The following DACH2 variants were observed in gnomAD, a reference collection of about 807,000 sequenced individuals.
DACH2 encodes the protein dachshund homolog 2.
DACH2 carries 17 observed loss-of-function variants against 35.8 expected under a neutral mutation model. The ratio of observed to expected loss-of-function variants is 0.48; its 90% CI spans 0.33 to 0.71. The LOEUF is 0.71. DACH2 is among the 30% of genes least tolerant of loss of function. The pLI, the probability that DACH2 is intolerant of heterozygous loss-of-function variation, is 0.02. For missense variants in DACH2, 469 were observed against 472.7 expected, an observed-to-expected ratio of 0.99 and a Z score of 0.07; for synonymous variants, 195 against 177.3, an observed-to-expected ratio of 1.10 and a Z score of -0.79.
intron 1 of DACH2, among the ~76,000 whole-genome samples, chrX:86,224,790 A>G (rs191975006): frequency 6.8e-4 from 76 of 111,735 alleles, no homozygotes; most frequent in Non-Finnish European, 1.1e-3. Context: ...ATGATCATCA[A>G]GAAAGCCTAT....
At chrX:86,522,808 G>T (rs1053322667) in intron 3 of DACH2, among the ~76,000 whole-genome samples, 2 of 111,430 alleles carry the variant, frequency 1.8e-5, no homozygotes, top group African/African-American at 6.5e-5. Flanking sequence ...AAAACATTTA[G>T]GGATACACAG....
chrX:86,724,966 C>T (rs1211888391), intron 6 of DACH2, among the ~76,000 whole-genome samples: 1 of 107,846 alleles, frequency 9.3e-6, no homozygotes, highest in African/African-American at 3.4e-5. Context: ...TCTTGTCTAT[C>T]ACTGAAATAT....
At chrX:86,598,234 C>A (rs1039363129) in intron 3 of DACH2, among the ~76,000 whole-genome samples, 2 of 111,434 alleles carry the variant, frequency 1.8e-5, no homozygotes, top group African/African-American at 6.5e-5. Flanking sequence ...ATATAGTGAC[C>A]ATTATAATTA....
chrX:86,819,140 T>C (rs755431054), intron 11 of DACH2, among the ~76,000 whole-genome samples: 2 of 109,253 alleles, frequency 1.8e-5, no homozygotes, highest in East Asian at 5.7e-4. Flanking sequence ...GACGATAATA[T>C]GCATAGACCA....
At chrX:86,258,167 G>A (rs767467705) in intron 1 of DACH2, among the ~76,000 whole-genome samples, 6 of 111,790 alleles carry the variant, frequency 5.4e-5, no homozygotes, top group Non-Finnish European at 1.1e-4. Flanking sequence ...ATAAAGAATC[G>A]AGTATTGATT....
chrX:86,805,604 T>C (rs2042337248), intron 7 of DACH2, among the ~76,000 whole-genome samples: 1 of 111,777 alleles, frequency 8.9e-6, no homozygotes. Flanking sequence ...TTTTCCAAAC[T>C]TTTATGCCCT....
At chrX:86,638,243 C>T (rs1443898100) in intron 3 of DACH2, among the ~76,000 whole-genome samples, 1 of 111,662 alleles carries the variant, frequency 9.0e-6, no homozygotes, top group African/African-American at 3.3e-5. Flanking sequence ...CTGTCTCTCA[C>T]CATATGAAAA....
intron 1 of DACH2, among the ~76,000 whole-genome samples, chrX:86,191,959 C>A (rs1323896300): frequency 9.0e-6 from 1 of 111,216 alleles, no homozygotes; most frequent in South Asian, 3.8e-4. Flanking sequence ...AACAAACAAA[C>A]CTTAAAAAAT....
In DACH2 at chrX:86,220,725, A is replaced by G. The variant is rs2032690903; in HGVS notation, c.488+71617A>G. ...TCAAGATGCTGATTGTAATTTTTTGAATATATACACAGAAGTGATTATTGA... is the reference window on the plus strand; with the variant it reads ...TCAAGATGCTGATTGTAATTTTTTGGATATATACACAGAAGTGATTATTGA... On this transcript the variant is annotated intron_variant, in intron 1 of 11. Transcript: ENST00000373125. Among the ~76,000 whole-genome samples, 2 of 112,036 alleles carry G rather than the reference A, an allele frequency of 1.8e-5. 1 individual carries two copies. The highest frequency in any genetic ancestry group is 3.8e-5 in the Non-Finnish European group (2 of 53,202).
intron 1 of DACH2, among the ~76,000 whole-genome samples, chrX:86,153,713 C>G (rs1156871748): frequency 9.0e-6 from 1 of 111,506 alleles, no homozygotes; most frequent in African/African-American, 3.2e-5. Flanking sequence ...ATGCTCTGTC[C>G]TTTATGAGAA....
chrX:86,266,228 C>A (rs1299953168), intron 1 of DACH2, among the ~76,000 whole-genome samples: 2 of 111,379 alleles, frequency 1.8e-5, no homozygotes. Flanking sequence ...GGATTTCTAA[C>A]AAGTTCCCAG....
chrX:86,257,362 C>T (rs1249912670), intron 1 of DACH2, among the ~76,000 whole-genome samples: 1 of 112,307 alleles, frequency 8.9e-6, no homozygotes, highest in African/African-American at 3.2e-5. Context: ...CTCTTTCTTC[C>T]ACTTACATCC....
intron 1 of DACH2, among the ~76,000 whole-genome samples, chrX:86,221,337 T>C (rs767051010): frequency 8.9e-6 from 1 of 112,047 alleles, no homozygotes; most frequent in East Asian, 2.8e-4. Context: ...TACTGTGTAT[T>C]CTTAAAACTC....
chrX:86,617,246 CTCT>C (rs1234598942), intron 3 of DACH2, among the ~76,000 whole-genome samples: 1 of 110,334 alleles, frequency 9.1e-6, no homozygotes, highest in Non-Finnish European at 1.9e-5. Flanking sequence ...GCTATTTAGG[CTCT>C]TTTTTTTGTT....
At chrX:86,273,596 A>C (rs1324153759) in intron 1 of DACH2, among the ~76,000 whole-genome samples, 1 of 112,201 alleles carries the variant, frequency 8.9e-6, no homozygotes, top group Non-Finnish European at 1.9e-5. Flanking sequence ...TATTAAAAAG[A>C]GTTTCAGCAT....
chrX:86,219,103 G>A (rs912612359), intron 1 of DACH2, among the ~76,000 whole-genome samples: 1 of 111,888 alleles, frequency 8.9e-6, no homozygotes. Context: ...AATGAACCAT[G>A]TATACAAATT....
intron 1 of DACH2, among the ~76,000 whole-genome samples, chrX:86,198,474 A>C (rs1020238346): frequency 9.0e-6 from 1 of 111,448 alleles, no homozygotes; most frequent in Non-Finnish European, 1.9e-5. Context: ...AAAGATCAAC[A>C]TCTCCAGGTG....
chrX:86,333,696 T>A lies in DACH2; in HGVS notation c.489-43128T>A, dbSNP rs1036255032. ...GAGATAGGAGAATTTGTAAGATTAA[T>A]TTGGTCAAAATGTTTGATCTTTCAT... is the stretch of plus-strand genomic sequence containing the variant. On this transcript the variant is annotated intron_variant, in intron 1 of 11. Transcript: ENST00000373125. Among the ~76,000 whole-genome samples the A allele has an allele frequency of 5.4e-5, 6 of 111,938 alleles. No homozygotes were observed. The South Asian group carries it at 2.2e-3, about 42-fold the overall frequency.
intron 3 of DACH2, 50 bp downstream of exon 3, chrX:86,514,441 A>G (rs769957229): frequency 5.8e-5 from 62 of 1,069,131 alleles, no homozygotes; most frequent in Non-Finnish European, 7.9e-5. Context: ...ACTGCCCAGC[A>G]TTTGAAATAA....
Sources: gnomAD v4.1 joint callset for allele counts (sites outside exome capture counted in the v4.1 genomes callset) on GRCh38, gnomAD v4.1.1 for gene constraint, MANE v1.5 for transcripts, NCBI Gene and HGNC (gene_info 2026-07-23, HGNC 2026-07-21) for gene names.